GOLGA3: variants seen among roughly 807,000 people sequenced by gnomAD.
GOLGA3 encodes golgin subfamily A member 3.
Under a neutral mutation model 169.4 loss-of-function variants are expected in GOLGA3, and 75 were observed. The observed-to-expected ratio is 0.44, with a 90% confidence interval of 0.37 to 0.54. The LOEUF (loss-of-function observed/expected upper bound fraction) is 0.54, where lower values mean the gene tolerates loss of function less well. GOLGA3 is among the 20% of genes least tolerant of loss of function. The pLI is 0.00. For synonymous variants in GOLGA3, 824 were observed against 822.4 expected (o/e 1.00, Z -0.03); for missense variants, 1,899 against 1,930.0 (o/e 0.98, Z 0.30).
chr12:132,825,662 T>C (rs946559855), intron 1 of GOLGA3: 12 of 862,616 alleles, frequency 1.4e-5, no homozygotes, highest in Non-Finnish European at 2.2e-5. Flanking sequence ...TCCAGGGAGT[T>C]AGAAACTGGA....
Position 132,805,084 on chromosome 12 carries a change from T to A in GOLGA3, c.1291-62A>T. 7 of 1,531,524 alleles carry A rather than the reference T, an allele frequency of 4.6e-6. No individual in the cohort carries two copies. The Admixed American group carries it at 9.1e-5, about 20-fold the overall frequency. The allele number at this position is 1,531,524 out of a possible 1,614,324, so 94.9% of individuals were successfully genotyped here. ...AACGAGTCACTTCCATCCAGTGTATTAACAGGAACACAACCAGCGAGTCAG... is the reference window on the plus strand; with the variant it reads ...AACGAGTCACTTCCATCCAGTGTATAAACAGGAACACAACCAGCGAGTCAG... On this transcript the variant is annotated intron_variant, in intron 6 of 23. Coordinates refer to ENST00000450791, the MANE Select transcript of GOLGA3 (RefSeq NM_001389683.1).
chr12:132,789,579 T>C (rs2136396435), intron 12 of GOLGA3, among the ~76,000 whole-genome samples: 1 of 152,290 alleles, frequency 6.6e-6, no homozygotes, highest in African/African-American at 2.4e-5. Flanking sequence ...CTGACTTCAG[T>C]TGCACGGCTT....
At chr12:132,780,719 T>C (rs2045552081) in intron 18 of GOLGA3, 79 bp downstream of exon 18, 1 of 860,328 alleles carries the variant, frequency 1.2e-6, no homozygotes, top group Non-Finnish European at 1.9e-6. Flanking sequence ...AGGAGGCTGG[T>C]GTGTGAAGGA....
At chr12:132,817,980 A>C (rs1273244481) in intron 2 of GOLGA3, among the ~76,000 whole-genome samples, 1 of 34,554 alleles carries the variant, frequency 2.9e-5, no homozygotes, top group Non-Finnish European at 5.2e-5. Context: ...ACCCCCCCCC[A>C]CACCTCCACA....
chr12:132,786,128 C>CA (rs1045775542), intron 15 of GOLGA3, among the ~76,000 whole-genome samples: 34 of 152,340 alleles, frequency 2.2e-4, no homozygotes, highest in African/African-American at 7.9e-4. Flanking sequence ...CCACAGGCCA[C>CA]AGGCCATGTG....
In GOLGA3 at chr12:132,771,046, A is replaced by G. The variant is rs533266281; in HGVS notation, c.*2059T>C. The G allele has an allele frequency of 2.3e-4, 35 of 152,772 alleles. No individual in the cohort carries two copies. The highest frequency in any genetic ancestry group is 8.2e-4 in the African/African-American group (34 of 41,578). 9.5% of individuals were successfully genotyped at this position (152,772 alleles called of 1,614,324 possible). A position where few individuals can be genotyped will look rare whatever the true frequency, so the allele number is the denominator to read the frequency against. On this transcript the variant is annotated 3_prime_UTR_variant, in exon 24 of 24. Coordinates refer to ENST00000450791, the MANE Select transcript of GOLGA3 (RefSeq NM_001389683.1). ...GTACAAGAACAATTTAGTAAATAAC[A>G]TCTTCAACTTAAGATAAAAAGTAGG...
At chr12:132,816,940 A>C in intron 2 of GOLGA3, 128 bp from the exon 3 acceptor site, 4 of 878,506 alleles carry the variant, frequency 4.6e-6, no homozygotes, top group Non-Finnish European at 6.8e-6. Flanking sequence ...TCATCCCACA[A>C]AGGCTTCACT....
At chr12:132,799,177 C>T (rs1053495346) in intron 8 of GOLGA3, among the ~76,000 whole-genome samples, 5 of 152,154 alleles carry the variant, frequency 3.3e-5, no homozygotes, top group Non-Finnish European at 7.3e-5. Flanking sequence ...AGAAGGTGCA[C>T]GGAGCCAGGG....
chr12:132,787,567 T>TCCCCAGAACCCCTGGGACCCCTCCCCG (rs2045965980), intron 13 of GOLGA3, among the ~76,000 whole-genome samples: 1 of 20,158 alleles, frequency 5.0e-5, no homozygotes, highest in Admixed American at 5.3e-4. Flanking sequence ...GGACCCTTCC[T>TCCCCAGAACCCCTGGGACCCCTCCCCG]GAGACCCCGG....
chr12:132,823,391 A>G (rs183215915), intron 1 of GOLGA3, among the ~76,000 whole-genome samples: 13 of 152,370 alleles, frequency 8.5e-5, no homozygotes, highest in Non-Finnish European at 1.5e-4. Flanking sequence ...AATCAGTTTC[A>G]TATTAACCTA....
chr12:132,813,799 A>T (rs1297847136), intron 3 of GOLGA3, among the ~76,000 whole-genome samples: 2 of 140,424 alleles, frequency 1.4e-5, no homozygotes, highest in Middle Eastern at 3.5e-3. Flanking sequence ...ATCTCGGCTC[A>T]CAGCAACCTC....
chr12:132,809,076 G>T (rs984222834), intron 4 of GOLGA3, among the ~76,000 whole-genome samples: 1 of 152,222 alleles, frequency 6.6e-6, no homozygotes, highest in African/African-American at 2.4e-5. Flanking sequence ...CACCTCCAAT[G>T]ATAGGTAAGG....
chr12:132,828,031 C>G (rs1950494646), intron 1 of GOLGA3: 1 of 152,306 alleles, frequency 6.6e-6, no homozygotes, highest in South Asian at 2.1e-4. Context: ...TCGCTTTCCC[C>G]CTTTGCCATT....
chr12:132,805,907 G>C (rs1033092846), intron 6 of GOLGA3, among the ~76,000 whole-genome samples: 11 of 151,988 alleles, frequency 7.2e-5, no homozygotes, highest in Admixed American at 2.6e-4. Context: ...TCAGATCTGG[G>C]GGGAAATGGG....
chr12:132,822,778 C>CGG (rs1950269956), intron 1 of GOLGA3, among the ~76,000 whole-genome samples: 1 of 152,112 alleles, frequency 6.6e-6, no homozygotes, highest in African/African-American at 2.4e-5. Context: ...AAAAAATAGC[C>CGG]GGGTGTGGTG....
At chr12:132,821,716 C>A (rs939842373) in intron 2 of GOLGA3, among the ~76,000 whole-genome samples, 1 of 148,424 alleles carries the variant, frequency 6.7e-6, no homozygotes, top group African/African-American at 2.5e-5. Context: ...TAGCCGGGCG[C>A]GGTGGCGGGC....
chr12:132,809,543 T>C (rs1449205717), intron 4 of GOLGA3, among the ~76,000 whole-genome samples: 1 of 151,668 alleles, frequency 6.6e-6, no homozygotes, highest in Admixed American at 6.6e-5. Context: ...TCTTCCCGTC[T>C]TCCCAGACAC....
At chr12:132,773,587 G>A (rs907140021) in intron 23 of GOLGA3, among the ~76,000 whole-genome samples, 6 of 152,200 alleles carry the variant, frequency 3.9e-5, no homozygotes, top group Non-Finnish European at 7.4e-5. Flanking sequence ...GCCTGGCTCC[G>A]CCCTACACAC....
chr12:132,810,033 T>C (rs1593352610), intron 4 of GOLGA3, among the ~76,000 whole-genome samples: 1 of 152,074 alleles, frequency 6.6e-6, no homozygotes, highest in South Asian at 2.1e-4. Flanking sequence ...TCATTTGAGG[T>C]AAGGAGTTCA....
Sources: allele counts gnomAD v4.1 joint callset (sites outside exome capture counted in the v4.1 genomes callset), GRCh38; gene constraint gnomAD v4.1.1; transcripts MANE v1.5; gene names NCBI Gene and HGNC (gene_info 2026-07-23, HGNC 2026-07-21).